The following TM9SF2 variants were observed in gnomAD, a reference collection of about 807,000 sequenced individuals.
TM9SF2 encodes 76 kDa membrane protein.
Under a neutral mutation model 84.9 loss-of-function variants are expected in TM9SF2, and 13 were observed. The ratio of observed to expected loss-of-function variants is 0.15; its 90% CI spans 0.10 to 0.24. The LOEUF is 0.24. Among genes scored for constraint, TM9SF2 ranks in the 10% least tolerant of loss-of-function variants. The pLI is 1.00. For missense variants in TM9SF2, 562 were observed against 818.5 expected (o/e 0.69, Z 3.82); for synonymous variants, 273 against 285.8 (o/e 0.96, Z 0.45).
chr13:99,528,176 C>T (rs1286217448), intron 3 of TM9SF2, among the ~76,000 whole-genome samples: 2 of 152,170 alleles, frequency 1.3e-5, no homozygotes, highest in Non-Finnish European at 2.9e-5. Context: ...CATAACCAAA[C>T]ATGATTTAAA....
chr13:99,531,251 A>G (rs1456303762), intron 4 of TM9SF2, among the ~76,000 whole-genome samples: 1 of 152,164 alleles, frequency 6.6e-6, no homozygotes, highest in Non-Finnish European at 1.5e-5. Flanking sequence ...GGAAATGCCT[A>G]TATTCTGTGG....
intron 1 of TM9SF2, among the ~76,000 whole-genome samples, chr13:99,503,127 G>C (rs1385103880): frequency 1.3e-5 from 2 of 152,200 alleles, no homozygotes; most frequent in African/African-American, 2.4e-5. Context: ...GTGCTTCCAA[G>C]TGGAAGATCT....
rs755538628 is a variant in TM9SF2 at position 99,547,115 on chromosome 13, G to A, written c.1270+11G>A. ...CCAGATTCTATAAGTGTAAGTCAAA[G>A]CCACTGTGACTGGCGTCTGATCAGG... is the stretch of plus-strand genomic sequence containing the variant. On this transcript the variant is annotated intron_variant, in intron 11 of 16. Transcript: ENST00000376387. 2 of 1,613,792 alleles carry A rather than the reference G, an allele frequency of 1.2e-6. No individual in the cohort carries two copies. The highest frequency in any genetic ancestry group is 2.2e-5 in the South Asian group (2 of 91,076).
At position 99,537,790 on chromosome 13, in the gene TM9SF2, A is replaced by G; in HGVS notation, c.643A>G (p.Lys215Glu). ...TFYIFNHVDI[K>E]IYYHVVETGS... ...TTACATCTTCAACCATGTTGACATCAAAATATACTATCATGTTGTTGAAAC... is the reference window on the plus strand; with the variant it reads ...TTACATCTTCAACCATGTTGACATCGAAATATACTATCATGTTGTTGAAAC... The change falls in exon 6 of 17, where the codon AAA (lysine) becomes GAA (glutamate). Residue 215 changes from lysine to glutamate, a missense_variant. By Grantham distance (56) the Lys-to-Glu change is moderately conservative. Coordinates refer to ENST00000376387, the MANE Select transcript of TM9SF2 (RefSeq NM_004800.3). The G allele has an allele frequency of 6.2e-7, 1 of 1,611,556 alleles. No homozygotes were observed. Among genetic ancestry groups the G allele is most frequent in the Non-Finnish European group, 8.5e-7 (1 of 1,179,544 alleles).
intron 13 of TM9SF2, 115 bp from the exon 14 acceptor site, chr13:99,554,189 T>C: frequency 8.0e-7 from 1 of 1,249,788 alleles, no homozygotes. Flanking sequence ...GTAGACTTTA[T>C]TGCCATTAGT....
At chr13:99,523,701 T>C (rs1410724191) in intron 3 of TM9SF2, among the ~76,000 whole-genome samples, 1 of 152,216 alleles carries the variant, frequency 6.6e-6, no homozygotes, top group Non-Finnish European at 1.5e-5. Flanking sequence ...TGCCAGGCAC[T>C]GTGATGGGAT....
chr13:99,557,547 C>T (rs892102319), intron 15 of TM9SF2, among the ~76,000 whole-genome samples: 28 of 150,504 alleles, frequency 1.9e-4, no homozygotes, highest in African/African-American at 6.1e-4. Flanking sequence ...GTTTTTTTTT[C>T]TTCCGTTGCT....
chr13:99,536,560 C>T (rs779499370), intron 4 of TM9SF2, 48 bp from the exon 5 acceptor site: 4 of 1,585,816 alleles, frequency 2.5e-6, no homozygotes, highest in Non-Finnish European at 3.4e-6. Flanking sequence ...AATTCTTTGT[C>T]ATGTTTGGTG....
chr13:99,523,758 G>A (rs1159399805), intron 3 of TM9SF2, among the ~76,000 whole-genome samples: 1 of 152,226 alleles, frequency 6.6e-6, no homozygotes, highest in Non-Finnish European at 1.5e-5. Flanking sequence ...GATCTTTTAT[G>A]CTGATGGGGA....
chr13:99,529,698 A>G (rs1169972993), intron 4 of TM9SF2, 104 bp downstream of exon 4: 1 of 1,245,130 alleles, frequency 8.0e-7, no homozygotes, highest in African/African-American at 1.6e-5. Context: ...TAGCAAATTA[A>G]TTGATTTCCT....
rs1325124852 is a variant in TM9SF2, at chr13:99,539,441, C to G, written c.717-5C>G. 4 of 1,583,114 alleles carry G rather than the reference C, an allele frequency of 2.5e-6. No individual in the cohort carries two copies. Among genetic ancestry groups the G allele is most frequent in the Non-Finnish European group, 3.5e-6 (4 of 1,153,558 alleles). The stretch of plus-strand genomic sequence containing the variant: ...AGCATCTTGCCAAAATGTTTCTTCC[C>G]ACAGCTTCAAACATACCCATATAGA... On this transcript the variant is annotated splice_polypyrimidine_tract_variant and splice_region_variant and intron_variant, in intron 6 of 16. Coordinates refer to ENST00000376387, the MANE Select transcript of TM9SF2 (RefSeq NM_004800.3).
At chr13:99,556,313 T>C (rs2139112131) in intron 15 of TM9SF2, among the ~76,000 whole-genome samples, 1 of 152,358 alleles carries the variant, frequency 6.6e-6, no homozygotes, top group East Asian at 1.9e-4. Flanking sequence ...ATTTACAGTG[T>C]TGCGCCACCA....
intron 2 of TM9SF2, among the ~76,000 whole-genome samples, chr13:99,518,586 G>A (rs2046144872): frequency 6.6e-6 from 1 of 151,858 alleles, no homozygotes; most frequent in African/African-American, 2.4e-5. Context: ...ACCAACATTT[G>A]ATTATTTCCA....
At chr13:99,505,169 T>G (rs962218596) in intron 1 of TM9SF2, among the ~76,000 whole-genome samples, 1 of 151,312 alleles carries the variant, frequency 6.6e-6, no homozygotes, top group African/African-American at 2.4e-5. Flanking sequence ...TTTTTTTTTT[T>G]GAGACGGAGT....
At chr13:99,538,864 A>G (rs2046245765) in intron 6 of TM9SF2, among the ~76,000 whole-genome samples, 2 of 152,080 alleles carry the variant, frequency 1.3e-5, no homozygotes, top group South Asian at 4.2e-4. Flanking sequence ...ACACTACTGC[A>G]CACCAGCCTG....
intron 15 of TM9SF2, among the ~76,000 whole-genome samples, chr13:99,557,968 A>G (rs1271587142): frequency 6.6e-6 from 1 of 152,210 alleles, no homozygotes; most frequent in Non-Finnish European, 1.5e-5. Context: ...TCATGTATTT[A>G]AGTCATTGAT....
intron 16 of TM9SF2, among the ~76,000 whole-genome samples, chr13:99,561,585 A>G (rs1002965811): frequency 6.6e-6 from 1 of 152,220 alleles, no homozygotes; most frequent in South Asian, 2.1e-4. Flanking sequence ...TGTGCTTTGC[A>G]TATAGTAGGG....
chr13:99,557,628 TA>T (rs1352208810), intron 15 of TM9SF2, among the ~76,000 whole-genome samples: 4 of 152,196 alleles, frequency 2.6e-5, no homozygotes, highest in Non-Finnish European at 5.9e-5. Flanking sequence ...CGCCTATCTC[TA>T]ATCCCAACAC....
At chr13:99,544,726 T>G (rs891995696) in intron 10 of TM9SF2, among the ~76,000 whole-genome samples, 2 of 151,574 alleles carry the variant, frequency 1.3e-5, no homozygotes, top group African/African-American at 4.9e-5. Flanking sequence ...ATCCTTCTCA[T>G]CTGGGGAGGA....
Sources: gnomAD v4.1 joint callset for allele counts (sites outside exome capture counted in the v4.1 genomes callset) on GRCh38, gnomAD v4.1.1 for gene constraint, MANE v1.5 for transcripts, NCBI Gene and HGNC (gene_info 2026-07-23, HGNC 2026-07-21) for gene names.